The following AADAC variants were observed in gnomAD, a reference collection of about 807,000 sequenced individuals.
The protein encoded by AADAC is arylacetamide deacetylase.
AADAC carries 17 observed loss-of-function variants against 22.7 expected under a neutral mutation model. That is an observed-to-expected ratio of 0.75 (90% CI 0.51 to 1.12). AADAC has a LOEUF of 1.12. AADAC is among the 50% of genes most tolerant of loss of function. The pLI, the probability that AADAC is intolerant of heterozygous loss-of-function variation, is 0.00. For missense variants in AADAC, 465 were observed against 473.9 expected (o/e 0.98, Z 0.17); for synonymous variants, 167 against 176.3 (o/e 0.95, Z 0.42).
At chr3:151,821,164 G>C (rs908383029) in intron 3 of AADAC, among the ~76,000 whole-genome samples, 4 of 151,914 alleles carry the variant, frequency 2.6e-5, no homozygotes, top group African/African-American at 9.7e-5. Context: ...TCACTGTGAA[G>C]AGTAAGTGAT....
In AADAC at chr3:151,827,731, T is replaced by C; in HGVS notation, c.759T>C (p.Tyr253=). Residue 253 remains tyrosine (Y), a synonymous_variant, in exon 5 of 5, where the codon TAT becomes TAC. Coordinates refer to ENST00000232892, the MANE Select transcript of AADAC (RefSeq NM_001086.3). Reference sequence around the variant, plus strand: ...TCATGGTCAGATTCTGGAGTGAATATTTTACCACTGATAGATCACTTGAAA... The same window carrying C: ...TCATGGTCAGATTCTGGAGTGAATACTTTACCACTGATAGATCACTTGAAA... ...KSLMVRFWSE[Y]FTTDRSLEKA... is the part of the protein sequence containing the mutation. The C allele has an allele frequency of 6.2e-7, 1 of 1,613,176 alleles. No individual in the cohort carries two copies. The highest frequency in any genetic ancestry group is 1.7e-4 in the Middle Eastern group (1 of 6,058).
At chr3:151,822,663 T>G (rs188613269) in intron 3 of AADAC, among the ~76,000 whole-genome samples, 1 of 152,006 alleles carries the variant, frequency 6.6e-6, no homozygotes, top group Non-Finnish European at 1.5e-5. Flanking sequence ...TCCATTTATA[T>G]AAAATGTCCA....
intron 4 of AADAC, among the ~76,000 whole-genome samples, chr3:151,826,648 T>C (rs1224880053): frequency 2.6e-5 from 4 of 152,008 alleles, no homozygotes; most frequent in Admixed American, 2.6e-4. Context: ...TTTCACAATT[T>C]AAAACATATT....
At chr3:151,821,926 T>C (rs1279198056) in intron 3 of AADAC, among the ~76,000 whole-genome samples, 2 of 151,888 alleles carry the variant, frequency 1.3e-5, no homozygotes, top group African/African-American at 4.8e-5. Flanking sequence ...ACTTGAAAGA[T>C]AAAATATACT....
chr3:151,815,037 T>A (rs1715926290), intron 1 of AADAC, among the ~76,000 whole-genome samples: 1 of 152,070 alleles, frequency 6.6e-6, no homozygotes, highest in African/African-American at 2.4e-5. Context: ...TTCAACTGTC[T>A]CAAATCCTAT....
At position 151,820,516 on chromosome 3, in the gene AADAC, CTTTTTTTT is replaced by C. The variant is rs34039248; in HGVS notation, c.431+76_431+83del. 1.1e-4 allele frequency: 47 copies of C among 413,020 alleles called. 1 individual carries two copies. Among genetic ancestry groups the C allele is most frequent in the South Asian group, 1.4e-4 (3 of 20,726 alleles). 25.6% of individuals were successfully genotyped at this position (413,020 alleles called of 1,614,324 possible). ...GACATGCCAAGATTTTCTCAGCTTT[CTTTTTTTT>C]TTTTTTTTTTTGTGATGGAGTCTCA... On this transcript the variant is annotated intron_variant, in intron 3 of 4. Coordinates refer to ENST00000232892, the MANE Select transcript of AADAC (RefSeq NM_001086.3).
chr3:151,828,016 T>C lies in AADAC; in HGVS notation c.1044T>C (p.Asp348=), dbSNP rs1716581064. Residue 348 remains aspartate (D), a synonymous_variant, in exon 5 of 5, where the codon GAT becomes GAC. Transcript: ENST00000232892. ...GTCAATATGATCTCTTAAGAGATGA[T>C]GGACTCATGTATGTCACCCGACTTC... ...ITCQYDLLRD[D]GLMYVTRLRN... is the part of the protein sequence containing the mutation. 7 of 1,613,388 alleles carry C rather than the reference T, an allele frequency of 4.3e-6. No individual in the cohort carries two copies. The highest frequency in any genetic ancestry group is 5.9e-6 in the Non-Finnish European group (7 of 1,179,542).
At chr3:151,819,848 GATGC>G (rs1716159517) in intron 2 of AADAC, among the ~76,000 whole-genome samples, 1 of 152,012 alleles carries the variant, frequency 6.6e-6, no homozygotes, top group Non-Finnish European at 1.5e-5. Flanking sequence ...TAGTAGTACA[GATGC>G]AAGCAGTAAG....
intron 4 of AADAC, among the ~76,000 whole-genome samples, chr3:151,825,838 T>TC (rs1716470192): frequency 6.6e-6 from 1 of 151,932 alleles, no homozygotes; most frequent in South Asian, 2.1e-4. Flanking sequence ...GGAACTATTT[T>TC]CCCATGGAGT....
intron 3 of AADAC, among the ~76,000 whole-genome samples, chr3:151,821,808 T>G (rs1716266196): frequency 6.6e-6 from 1 of 151,946 alleles, no homozygotes; most frequent in African/African-American, 2.4e-5. Flanking sequence ...ATGCCTTGCC[T>G]TCAAATATTC....
rs537749709 is a variant in AADAC, at chr3:151,817,299, A to G, written c.139-67A>G. 7.4e-5 allele frequency: 101 copies of G among 1,370,524 alleles called. No individual in the cohort carries two copies. In the African/African-American group the frequency reaches 1.0e-3, roughly 14 times the overall value. The allele number at this position is 1,370,524 out of a possible 1,614,324, so 84.9% of individuals were successfully genotyped here. A position where few individuals can be genotyped will look rare whatever the true frequency, so the allele number is the denominator to read the frequency against. ...GTTTATTAAGGGTTAATGTCTACCT[A>G]TAAGTCCATAGATCTCTTTGCCATT... On this transcript the variant is annotated intron_variant, in intron 1 of 4. Coordinates refer to ENST00000232892, the MANE Select transcript of AADAC (RefSeq NM_001086.3).
At chr3:151,816,749 A>G (rs1269575318) in intron 1 of AADAC, among the ~76,000 whole-genome samples, 1 of 152,086 alleles carries the variant, frequency 6.6e-6, no homozygotes, top group Non-Finnish European at 1.5e-5. Context: ...AGAAATGGCC[A>G]GATGGTTGAC....
At chr3:151,824,929 G>A in intron 4 of AADAC, 95 bp downstream of exon 4, 2 of 1,001,162 alleles carry the variant, frequency 2.0e-6, no homozygotes, top group Non-Finnish European at 1.3e-6. Flanking sequence ...ATTAAAATAT[G>A]AATGCAAATA....
intron 2 of AADAC, among the ~76,000 whole-genome samples, chr3:151,818,977 G>A (rs1716117559): frequency 2.6e-5 from 4 of 152,078 alleles, no homozygotes; most frequent in Admixed American, 2.6e-4. Flanking sequence ...GATTGGACTG[G>A]ACCTACTAAG....
chr3:151,824,530 T>C, intron 3 of AADAC, 133 bp from the exon 4 acceptor site: 2 of 549,346 alleles, frequency 3.6e-6, no homozygotes, highest in Non-Finnish European at 5.7e-6. Context: ...ATTATATACT[T>C]ATGTGCACCT....
At chr3:151,826,353 T>C (rs1716492269) in intron 4 of AADAC, among the ~76,000 whole-genome samples, 1 of 151,940 alleles carries the variant, frequency 6.6e-6, no homozygotes, top group South Asian at 2.1e-4. Context: ...AACATTCATT[T>C]CCTCACCTGT....
intron 3 of AADAC, among the ~76,000 whole-genome samples, chr3:151,823,503 T>A (rs530764867): frequency 7.4e-4 from 112 of 151,906 alleles, no homozygotes; most frequent in African/African-American, 2.6e-3. Flanking sequence ...ATTGAAATCA[T>A]CAAACAATAT....
intron 1 of AADAC, among the ~76,000 whole-genome samples, chr3:151,816,060 A>G (rs1268117254): frequency 6.6e-6 from 1 of 152,040 alleles, no homozygotes; most frequent in African/African-American, 2.4e-5. Flanking sequence ...AGAAAATGTT[A>G]TCTTCCTCCC....
At position 151,817,574 on chromosome 3, in the gene AADAC, G is replaced by A. The variant is rs745347194; in HGVS notation, c.347G>A (p.Cys116Tyr). The change falls in exon 2 of 5, where the codon TGC becomes TAC. Residue 116 changes from cysteine (C) to tyrosine (Y), a missense_variant. By Grantham distance (194) the Cys-to-Tyr change is radical. Transcript: ENST00000232892. ...TTTTACATCCATGGTGGAGGCTGGT[G>A]CGTGGGAAGTGCTGGTAAGTGAATG... is the stretch of plus-strand genomic sequence containing the variant. The part of the protein sequence containing the change: ...GLFYIHGGGW[C>Y]VGSAALSGYD... The A allele has an allele frequency of 7.4e-6, 12 of 1,613,324 alleles. No homozygotes were observed. In the Admixed American group the frequency reaches 1.8e-4, roughly 25 times the overall value.
Sources: allele counts gnomAD v4.1 joint callset (sites outside exome capture counted in the v4.1 genomes callset), GRCh38; gene constraint gnomAD v4.1.1; transcripts MANE v1.5; gene names NCBI Gene and HGNC (gene_info 2026-07-23, HGNC 2026-07-21).